Variants in PCDHGA4 observed in about 807,000 individuals in gnomAD.
PCDHGA4 encodes protocadherin gamma-A4.
Under a neutral mutation model 54.6 loss-of-function variants are expected in PCDHGA4, and 38 were observed. The ratio of observed to expected loss-of-function variants is 0.70; its 90% CI spans 0.54 to 0.91. PCDHGA4 has a LOEUF of 0.91. Ranked by LOEUF, PCDHGA4 falls within the 40% of genes least tolerant of loss-of-function variation. The probability of loss-of-function intolerance (pLI) is 0.00; values close to 1 mark genes in which losing one functional copy is unlikely to be tolerated. For synonymous variants in PCDHGA4, 511 were observed against 512.9 expected (o/e 1.00, Z 0.05); for missense variants, 1,298 against 1,220.9 (o/e 1.06, Z -0.94).
intron 1 of PCDHGA4, chr5:141,410,447 C>T (rs760711107): frequency 3.1e-6 from 5 of 1,613,984 alleles, no homozygotes; most frequent in African/African-American, 2.7e-5. Context: ...GGGGACTTTG[C>T]CTTATTCTTA....
At chr5:141,398,905 A>C in intron 1 of PCDHGA4, 1 of 1,613,984 alleles carries the variant, frequency 6.2e-7, no homozygotes, top group Non-Finnish European at 8.5e-7. Context: ...ACCAGGCACC[A>C]CTGTGTTGCA....
chr5:141,383,220 CATCCTGATGGAAGATAAAATGA>C (rs1561595268), intron 1 of PCDHGA4: 5 of 1,613,982 alleles, frequency 3.1e-6, no homozygotes, highest in Non-Finnish European at 4.2e-6. Flanking sequence ...TAAACTTTAA[CATCCTGATGGAAGATAAAATGA>C]ATCTTTACCC....
intron 1 of PCDHGA4, chr5:141,427,415 T>G: frequency 2.1e-6 from 1 of 465,414 alleles, no homozygotes; most frequent in Non-Finnish European, 4.3e-6. Context: ...CGAGAGAAAA[T>G]GGGGAGGTTA....
chr5:141,400,233 C>T lies in PCDHGA4; in HGVS notation c.2514+42612C>T, dbSNP rs373858401. ...TGATCTCAGTGCTCTTCCTCCTGGCCGTGATTCTGGCCGTTGCCTTGCGCC... is the reference window on the plus strand; with the variant it reads ...TGATCTCAGTGCTCTTCCTCCTGGCTGTGATTCTGGCCGTTGCCTTGCGCC... On this transcript the variant is annotated intron_variant, in intron 1 of 3. Coordinates refer to ENST00000571252, the MANE Select transcript of PCDHGA4 (RefSeq NM_018917.4). 100 of 1,613,988 alleles carry T rather than the reference C, an allele frequency of 6.2e-5. 1 individual carries two copies. The African/African-American group carries it at 1.1e-3, about 18-fold the overall frequency.
chr5:141,472,579 G>T (rs1172183592), intron 1 of PCDHGA4, among the ~76,000 whole-genome samples: 3 of 151,928 alleles, frequency 2.0e-5, no homozygotes, highest in Non-Finnish European at 4.4e-5. Context: ...GCATCTCATT[G>T]GTCAGAAGCT....
In PCDHGA4 at chr5:141,477,767, A is replaced by G. The variant is rs1178354274; in HGVS notation, c.2515-17040A>G. 6.2e-7 allele frequency: 1 copy of G among 1,613,906 alleles called. No homozygotes were observed. The highest frequency in any genetic ancestry group is 8.5e-7 in the Non-Finnish European group (1 of 1,180,038). On this transcript the variant is annotated intron_variant, in intron 1 of 3. Coordinates refer to ENST00000571252, the MANE Select transcript of PCDHGA4 (RefSeq NM_018917.4). The surrounding 1 kb of genome is among the most constrained non-coding windows in gnomAD (Gnocchi z 4.9). ...GGGCACCCCGGTCCTAGCCACCAAC[A>G]TCAGCGTGAACATATTTGTCACTGA...
intron 1 of PCDHGA4, chr5:141,399,913 C>T: frequency 2.5e-6 from 4 of 1,612,372 alleles, no homozygotes; most frequent in Non-Finnish European, 3.4e-6. Context: ...AGACTCAGGA[C>T]ACAACGCCTG....
intron 1 of PCDHGA4, chr5:141,394,441 G>A (rs1161641966): frequency 6.2e-7 from 1 of 1,614,236 alleles, no homozygotes; most frequent in Admixed American, 1.7e-5. Flanking sequence ...CCGCCCCTCA[G>A]CAGCAACATG....
rs1223986597 is a variant in PCDHGA4, at chr5:141,417,300, A to G, written c.2514+59679A>G. The G allele has an allele frequency of 2.0e-5, 3 of 152,440 alleles. No homozygotes were observed. In the East Asian group the frequency reaches 5.8e-4, roughly 29 times the overall value. The allele number at this position is 152,440 out of a possible 1,614,324, so 9.4% of individuals were successfully genotyped here. ...AAGGAACAAGAATGACTGCCTCTGG[A>G]TGGAGGAATTGGATAGCAATGGGCC... On this transcript the variant is annotated intron_variant, in intron 1 of 3. Coordinates refer to ENST00000571252, the MANE Select transcript of PCDHGA4 (RefSeq NM_018917.4).
At chr5:141,375,610 C>G in intron 1 of PCDHGA4, 1 of 1,614,224 alleles carries the variant, frequency 6.2e-7, no homozygotes, top group Non-Finnish European at 8.5e-7. Context: ...CCATCAACTC[C>G]GACACTGGGA....
At chr5:141,456,949 C>A (rs1277351419) in intron 1 of PCDHGA4, among the ~76,000 whole-genome samples, 2 of 152,080 alleles carry the variant, frequency 1.3e-5, no homozygotes, top group East Asian at 3.9e-4. Flanking sequence ...GGCAACAGAG[C>A]AAAACTCCAT....
At position 141,388,660 on chromosome 5, in the gene PCDHGA4, C is replaced by A. The variant is rs762083225; in HGVS notation, c.2514+31039C>A. 5.0e-6 allele frequency: 8 copies of A among 1,613,714 alleles called. No individual in the cohort carries two copies. The South Asian group carries it at 8.8e-5, about 18-fold the overall frequency. On this transcript the variant is annotated intron_variant, in intron 1 of 3. Transcript: ENST00000571252. Reference sequence around the variant, plus strand: ...CTTTCAGAAAACGTGTACCCGGGGACCACGGTGCTACAGGTGACTGCCACG... The same window carrying A: ...CTTTCAGAAAACGTGTACCCGGGGAACACGGTGCTACAGGTGACTGCCACG...
rs1347978078 is a variant in PCDHGA4, at chr5:141,486,800, C to G, written c.2515-8007C>G. ...GGTGCAGGCCCGGGATCGGGGCAAC[C>G]CACCCCTTAGCAGCACTGTAACAGT... On this transcript the variant is annotated intron_variant, in intron 1 of 3. Coordinates refer to ENST00000571252, the MANE Select transcript of PCDHGA4 (RefSeq NM_018917.4). The surrounding 1 kb of genome is among the most constrained non-coding windows in gnomAD (Gnocchi z 5.0). 1.9e-6 allele frequency: 3 copies of G among 1,614,104 alleles called. No individual in the cohort carries two copies. In the Admixed American group the frequency reaches 5.0e-5, roughly 27 times the overall value.
chr5:141,427,111 C>G (rs1324091636), intron 1 of PCDHGA4: 7 of 457,560 alleles, frequency 1.5e-5, no homozygotes, highest in South Asian at 1.1e-4. Context: ...GCGGAGATCA[C>G]CTACTCTTTC....
At chr5:141,427,519 G>A (rs1428732557) in intron 1 of PCDHGA4, 1 of 602,000 alleles carries the variant, frequency 1.7e-6, no homozygotes, top group Non-Finnish European at 3.1e-6. Context: ...GATTGGGAGC[G>A]GATCCCGGAG....
chr5:141,361,388 A>T, intron 1 of PCDHGA4: 1 of 1,614,000 alleles, frequency 6.2e-7, no homozygotes, highest in Non-Finnish European at 8.5e-7. Flanking sequence ...ATCCCAGAAT[A>T]CAATCTCACC....
At chr5:141,394,101 C>A (rs753056702) in intron 1 of PCDHGA4, 7 of 1,613,944 alleles carry the variant, frequency 4.3e-6, no homozygotes, top group Middle Eastern at 1.6e-4. Flanking sequence ...TCTAGGAACA[C>A]CACCTCTGTC....
chr5:141,401,586 A>G (rs1174763520), intron 1 of PCDHGA4, among the ~76,000 whole-genome samples: 2 of 152,228 alleles, frequency 1.3e-5, no homozygotes, highest in Admixed American at 1.3e-4. Context: ...ATCCTGACAT[A>G]TTCTTGAAGA....
At chr5:141,393,553 A>G (rs377510269) in intron 1 of PCDHGA4, 2 of 1,613,810 alleles carry the variant, frequency 1.2e-6, no homozygotes, top group African/African-American at 2.7e-5. Context: ...CACCCGATTT[A>G]CCGAGTGAAA....
Sources: allele counts gnomAD v4.1 joint callset (sites outside exome capture counted in the v4.1 genomes callset), GRCh38; gene constraint gnomAD v4.1.1; non-coding constraint Gnocchi (gnomAD v3.1); transcripts MANE v1.5; gene names NCBI Gene and HGNC (gene_info 2026-07-23, HGNC 2026-07-21).